The following RSPO3 variants were observed in gnomAD, a reference collection of about 807,000 sequenced individuals.
RSPO3 encodes R-spondin 3, also known as R-spondin-3.
In RSPO3, 17 loss-of-function variants were observed where a neutral mutation model predicts 36.5. That is an observed-to-expected ratio of 0.47 (90% CI 0.32 to 0.70). RSPO3 has a LOEUF of 0.70. RSPO3 is among the 30% of genes least tolerant of loss of function. The pLI is 0.04. For synonymous variants in RSPO3, 108 were observed against 107.0 expected (o/e 1.01, Z -0.06); for missense variants, 294 against 322.5 (o/e 0.91, Z 0.68).
Position 127,195,810 on chromosome 6 carries a change from C to A in RSPO3, c.635-13C>A. On this transcript the variant is annotated splice_polypyrimidine_tract_variant and intron_variant, in intron 4 of 4. Coordinates refer to ENST00000356698, the MANE Select transcript of RSPO3 (RefSeq NM_032784.5). ...TTGAATGTAATTTTTAAAAGAGTAT[C>A]CTTTCATTTCAGGAAAAAAAGGAAG... The A allele has an allele frequency of 4.1e-6, 6 of 1,463,826 alleles. No individual in the cohort carries two copies. Among genetic ancestry groups the A allele is most frequent in the South Asian group, 1.4e-5 (1 of 70,598 alleles). The allele number at this position is 1,463,826 out of a possible 1,614,324, so 90.7% of individuals were successfully genotyped here. A position where few individuals can be genotyped will look rare whatever the true frequency, so the allele number is the denominator to read the frequency against.
At chr6:127,128,031 ACT>A (rs1349344978) in intron 1 of RSPO3, among the ~76,000 whole-genome samples, 1 of 151,882 alleles carries the variant, frequency 6.6e-6, no homozygotes, top group Non-Finnish European at 1.5e-5. Flanking sequence ...TATATGAAAG[ACT>A]CTGTGATTGT....
chr6:127,152,378 T>G (rs1182977694), intron 3 of RSPO3, among the ~76,000 whole-genome samples: 1 of 152,140 alleles, frequency 6.6e-6, no homozygotes, highest in Non-Finnish European at 1.5e-5. Context: ...GTACTACACC[T>G]GCCATGCCTT....
At chr6:127,151,966 C>G (rs1475871396) in intron 3 of RSPO3, among the ~76,000 whole-genome samples, 1 of 152,188 alleles carries the variant, frequency 6.6e-6, no homozygotes, top group African/African-American at 2.4e-5. Context: ...ATGTTTGTGA[C>G]ATTTCTCTAC....
At position 127,198,861 on chromosome 6, in the gene RSPO3, C is replaced by A. The variant is rs1390158168; in HGVS notation, c.*2854C>A. Among the ~76,000 whole-genome samples the A allele has an allele frequency of 6.6e-6, 1 of 152,128 alleles. No homozygotes were observed. The highest frequency in any genetic ancestry group is 2.1e-4 in the South Asian group (1 of 4,836). ...GTCCCTGAGTCCTCATTAGTGACTG[C>A]GTCCTTTGGAAGTTATCCCAACCCT... On this transcript the variant is annotated 3_prime_UTR_variant, in exon 5 of 5. Coordinates refer to ENST00000356698, the MANE Select transcript of RSPO3 (RefSeq NM_032784.5).
chr6:127,135,852 T>A (rs1297200591), intron 1 of RSPO3, among the ~76,000 whole-genome samples: 1 of 150,216 alleles, frequency 6.7e-6, no homozygotes, highest in African/African-American at 2.5e-5. Context: ...ACTTGAACCC[T>A]GGATTTTGAG....
rs1370130406 is a variant in RSPO3, at chr6:127,195,934, A to T, written c.746A>T (p.Glu249Val). The T allele has an allele frequency of 6.2e-7, 1 of 1,613,304 alleles. No homozygotes were observed. Among genetic ancestry groups the T allele is most frequent in the Admixed American group, 1.7e-5 (1 of 59,958 alleles). ...ESSKEIPEQR[E>V]NKQQQKKRKV... ...AGCAAAGAAATCCCAGAGCAACGAG[A>T]AAACAAACAGCAGCAGAAGAAGCGA... is the stretch of plus-strand genomic sequence containing the variant. Residue 249 changes from glutamate to valine, a missense_variant, in exon 5 of 5, where the codon GAA becomes GTA. Glu to Val is a moderately radical substitution (Grantham distance 121, BLOSUM62 -2). Around this residue, in one of 3 missense-constraint regions of RSPO3, gnomAD observed 190 missense variants for 185.2 expected, o/e 1.03. Transcript: ENST00000356698.
rs375562184 is a variant in RSPO3, at chr6:127,150,583, C to T, written c.436+11C>T. ...AGTGTGTCAGTATTGGTAAGGAGAA[C>T]CTGTAATAATTTGAGTAAGTGATAA... On this transcript the variant is annotated intron_variant, in intron 3 of 4. Transcript: ENST00000356698. The T allele has an allele frequency of 1.0e-5, 16 of 1,599,324 alleles. No homozygotes were observed. Among genetic ancestry groups the T allele is most frequent in the African/African-American group, 1.4e-5 (1 of 73,766 alleles).
intron 1 of RSPO3, chr6:127,119,679 G>A (rs781409814): frequency 2.0e-4 from 36 of 178,238 alleles, no homozygotes; most frequent in Non-Finnish European, 3.7e-4. Flanking sequence ...TCTGACCGCT[G>A]AGTAAATGAC....
intron 1 of RSPO3, among the ~76,000 whole-genome samples, chr6:127,146,401 G>A (rs185622577): frequency 2.6e-5 from 4 of 152,104 alleles, no homozygotes; most frequent in African/African-American, 7.2e-5. Context: ...AGGTATTTTG[G>A]CACATCTCAT....
chr6:127,141,662 T>A (rs964926112), intron 1 of RSPO3, among the ~76,000 whole-genome samples: 7 of 152,170 alleles, frequency 4.6e-5, no homozygotes, highest in African/African-American at 1.7e-4. Flanking sequence ...CTGAGACTCT[T>A]AGGAATTCTG....
chr6:127,175,469 T>C (rs1421202868), intron 4 of RSPO3, among the ~76,000 whole-genome samples: 1 of 151,764 alleles, frequency 6.6e-6, no homozygotes, highest in African/African-American at 2.4e-5. Context: ...CAAGTGGAAA[T>C]TGGGTAGGTG....
chr6:127,167,550 C>G (rs891109060), intron 4 of RSPO3, among the ~76,000 whole-genome samples: 6 of 151,618 alleles, frequency 4.0e-5, no homozygotes, highest in Admixed American at 6.6e-5. Context: ...GATTCCATGT[C>G]TATGCTATTG....
At chr6:127,178,286 A>T (rs1157554152) in intron 4 of RSPO3, among the ~76,000 whole-genome samples, 2 of 151,710 alleles carry the variant, frequency 1.3e-5, no homozygotes, top group Non-Finnish European at 2.9e-5. Context: ...TAATTACCAA[A>T]CTCATAACAG....
intron 1 of RSPO3, among the ~76,000 whole-genome samples, chr6:127,136,355 T>C (rs1774156391): frequency 6.6e-6 from 1 of 152,166 alleles, no homozygotes; most frequent in Admixed American, 6.5e-5. Flanking sequence ...AGATGGCTCA[T>C]GACAAGGCAC....
At chr6:127,181,632 G>T (rs1247033917) in intron 4 of RSPO3, among the ~76,000 whole-genome samples, 2 of 151,770 alleles carry the variant, frequency 1.3e-5, no homozygotes, top group Non-Finnish European at 2.9e-5. Context: ...CTTGATTAAG[G>T]GTGGGCAAGA....
chr6:127,155,585 A>AC, intron 4 of RSPO3, 147 bp downstream of exon 4: 1 of 781,680 alleles, frequency 1.3e-6, no homozygotes, highest in Non-Finnish European at 2.1e-6. Flanking sequence ...CTTGTAAATT[A>AC]CAGAATATAG....
chr6:127,125,626 TACAA>T (rs1023686961), intron 1 of RSPO3, among the ~76,000 whole-genome samples: 25 of 152,286 alleles, frequency 1.6e-4, no homozygotes, highest in African/African-American at 5.8e-4. Context: ...AAAGATTGAG[TACAA>T]ACAAACATAA....
intron 4 of RSPO3, among the ~76,000 whole-genome samples, chr6:127,175,838 C>T (rs1775045589): frequency 1.3e-5 from 2 of 151,652 alleles, no homozygotes; most frequent in Admixed American, 6.6e-5. Flanking sequence ...ATTTAAGACT[C>T]GTTCACCAAA....
intron 4 of RSPO3, among the ~76,000 whole-genome samples, chr6:127,185,634 C>T (rs192301427): frequency 1.2e-4 from 18 of 152,108 alleles, no homozygotes; most frequent in Admixed American, 1.0e-3. Context: ...CGTGGAGCAG[C>T]ACAAATAAGA....
Sources: gnomAD v4.1 joint callset for allele counts (sites outside exome capture counted in the v4.1 genomes callset) on GRCh38, gnomAD v4.1.1 for gene constraint, gnomAD v4.1.1 regional missense constraint, MANE v1.5 for transcripts, NCBI Gene and HGNC (gene_info 2026-07-23, HGNC 2026-07-21) for gene names.